NDOR1: variants seen among roughly 807,000 people sequenced by gnomAD.
NDOR1 encodes the protein NADPH dependent diflavin oxidoreductase 1.
Under a neutral mutation model 67.2 loss-of-function variants are expected in NDOR1, and 61 were observed. The ratio of observed to expected loss-of-function variants is 0.91; its 90% CI spans 0.74 to 1.12. The LOEUF (loss-of-function observed/expected upper bound fraction) is 1.12, where lower values mean the gene tolerates loss of function less well. NDOR1 is among the 50% of genes most tolerant of loss of function. The pLI, the probability that NDOR1 is intolerant of heterozygous loss-of-function variation, is 0.00. For missense variants in NDOR1, 878 were observed against 802.8 expected (o/e 1.09, Z -1.13); for synonymous variants, 378 against 343.7 (o/e 1.10, Z -1.10).
chr9:137,214,919 C>T lies in NDOR1; in HGVS notation c.966C>T (p.Leu322=), dbSNP rs755108538. The change falls in exon 8 of 14, where the codon CTC becomes CTT. Residue 322 remains leucine (L), a synonymous_variant. Transcript: ENST00000684003. ...SFFELLACLS[L]HELEREKLLE... Reference sequence around the variant, plus strand: ...TCGAACTCCTGGCCTGTCTATCCCTCCATGAGCTGGAGCGGGAGAAGCTGC... The same window carrying T: ...TCGAACTCCTGGCCTGTCTATCCCTTCATGAGCTGGAGCGGGAGAAGCTGC... The T allele has an allele frequency of 1.2e-6, 2 of 1,613,190 alleles. No homozygotes were observed. Among genetic ancestry groups the T allele is most frequent in the South Asian group, 2.2e-5 (2 of 91,090 alleles).
chr9:137,214,125 C>T (rs1040409233), intron 5 of NDOR1, 57 bp downstream of exon 5: 1 of 1,530,124 alleles, frequency 6.5e-7, no homozygotes, highest in Non-Finnish European at 8.8e-7. Flanking sequence ...GGCCTGGGGA[C>T]CTCGCCCTGG....
At position 137,214,860 on chromosome 9, in the gene NDOR1, C is replaced by T. The variant is rs904820129; in HGVS notation, c.907C>T (p.Leu303=). 1 of 1,610,492 alleles carries T rather than the reference C, an allele frequency of 6.2e-7. No individual in the cohort carries two copies. The highest frequency in any genetic ancestry group is 1.3e-5 in the African/African-American group (1 of 75,078). Residue 303 remains leucine (L), a synonymous_variant, in exon 8 of 14, where the codon CTG becomes TTG. Transcript: ENST00000684003. ...CSMRHLVSHY[L]DIASVPRRSF... ...CATGCGGCACCTCGTGTCCCACTAC[C>T]TGGACATCGCCAGCGTGCCTCGCCG... is the stretch of plus-strand genomic sequence containing the variant.
At position 137,216,801 on chromosome 9, in the gene NDOR1, T is replaced by C; in HGVS notation, c.*385T>C. 1 of 269,298 alleles carries C rather than the reference T, an allele frequency of 3.7e-6. No individual in the cohort carries two copies. Among genetic ancestry groups the C allele is most frequent in the Non-Finnish European group, 7.3e-6 (1 of 137,718 alleles). The allele number at this position is 269,298 out of a possible 1,614,324, so 16.7% of individuals were successfully genotyped here. ...CACCCATGAGGCTGCGCTGCACTCCTCTGCCCTGGGGCCACCTCGGCTGCT... is the reference window on the plus strand; with the variant it reads ...CACCCATGAGGCTGCGCTGCACTCCCCTGCCCTGGGGCCACCTCGGCTGCT... On this transcript the variant is annotated 3_prime_UTR_variant, in exon 14 of 14. Coordinates refer to ENST00000684003, the MANE Select transcript of NDOR1 (RefSeq NM_014434.4).
chr9:137,214,888 CCTT>C lies in NDOR1; in HGVS notation c.940_942del (p.Phe314del), dbSNP rs775374527. ...GACATCGCCAGCGTGCCTCGCCGCTCCTTCTTCGAACTCCTGGCCTGTCTATCC... is the reference window on the plus strand; with the variant it reads ...GACATCGCCAGCGTGCCTCGCCGCTCCTTCGAACTCCTGGCCTGTCTATCC... On this transcript the variant is annotated inframe_deletion, in exon 8 of 14. Coordinates refer to ENST00000684003, the MANE Select transcript of NDOR1 (RefSeq NM_014434.4). 4 of 1,612,114 alleles carry C rather than the reference CCTT, an allele frequency of 2.5e-6. No individual in the cohort carries two copies. The highest frequency in any genetic ancestry group is 1.7e-6 in the Non-Finnish European group (2 of 1,180,044).
chr9:137,213,714 C>T (rs1017381050), intron 3 of NDOR1, 66 bp from the exon 4 acceptor site: 1 of 1,502,340 alleles, frequency 6.7e-7, no homozygotes, highest in Non-Finnish European at 9.1e-7. Flanking sequence ...CTCCCGGGTT[C>T]CACTCTGCCT....
chr9:137,212,921 C>G lies in NDOR1; in HGVS notation c.311+322C>G. On this transcript the variant is annotated intron_variant, in intron 3 of 13. Coordinates refer to ENST00000684003, the MANE Select transcript of NDOR1 (RefSeq NM_014434.4). This position sits in a 1 kb window ranked among gnomAD's most constrained non-coding sequence, Gnocchi z 4.3. ...TGACGACTTTGAGCCTGGAGGAGGA[C>G]CCCGTATGCTCCTGCCACCCCAGAG... is the stretch of plus-strand genomic sequence containing the variant. 5.8e-6 allele frequency: 2 copies of G among 342,492 alleles called. No individual in the cohort carries two copies. Among genetic ancestry groups the G allele is most frequent in the East Asian group, 1.2e-4 (2 of 16,310 alleles). The allele number at this position is 342,492 out of a possible 1,614,324, so 21.2% of individuals were successfully genotyped here.
chr9:137,212,998 A>G lies in NDOR1; in HGVS notation c.311+399A>G, dbSNP rs539704320. Among the ~76,000 whole-genome samples the G allele has an allele frequency of 6.6e-6, 1 of 152,296 alleles. No individual in the cohort carries two copies. Among genetic ancestry groups the G allele is most frequent in the African/African-American group, 2.4e-5 (1 of 41,556 alleles). ...TTTTCACAGTGCTCCTCTGCACCCT[A>G]AGCAAGGAGTGGCATGTTCAGTGTG... On this transcript the variant is annotated intron_variant, in intron 3 of 13. Transcript: ENST00000684003. The surrounding 1 kb of genome is among the most constrained non-coding windows in gnomAD (Gnocchi z 4.3).
intron 2 of NDOR1, among the ~76,000 whole-genome samples, chr9:137,206,742 C>T (rs939758605): frequency 6.6e-6 from 1 of 152,134 alleles, no homozygotes; most frequent in Non-Finnish European, 1.5e-5. Flanking sequence ...AAGCAGCTAA[C>T]GGGCAATGAC....
At position 137,216,639 on chromosome 9, in the gene NDOR1, C is replaced by T. The variant is rs572128481; in HGVS notation, c.*223C>T. On this transcript the variant is annotated 3_prime_UTR_variant, in exon 14 of 14. Coordinates refer to ENST00000684003, the MANE Select transcript of NDOR1 (RefSeq NM_014434.4). ...TCTGCCCAGCCAGCCCTGCGCTCCC[C>T]CACCCTGACAGTGAGCTGTGTCCTC... The T allele has an allele frequency of 1.2e-5, 7 of 606,140 alleles. No individual in the cohort carries two copies. In the Admixed American group the frequency reaches 1.8e-4, roughly 16 times the overall value. 37.5% of individuals were successfully genotyped at this position (606,140 alleles called of 1,614,324 possible).
intron 2 of NDOR1, among the ~76,000 whole-genome samples, chr9:137,208,365 G>A (rs1206678699): frequency 2.0e-5 from 3 of 151,252 alleles, no homozygotes; most frequent in East Asian, 2.0e-4. Flanking sequence ...GCAGGAGAAT[G>A]GCGTGAACCC....
intron 6 of NDOR1, 36 bp from the exon 7 acceptor site, chr9:137,214,534 G>A (rs778359036): frequency 5.6e-6 from 9 of 1,610,044 alleles, no homozygotes; most frequent in South Asian, 2.2e-5. Context: ...TCCTCCCTGC[G>A]GCGTCCCCAC....
rs574860139 is a variant in NDOR1, at chr9:137,205,845, G to C, written c.68G>C (p.Arg23Thr). Residue 23 changes from arginine to threonine, a missense_variant, in exon 1 of 14, where the codon AGA becomes ACA. By Grantham distance (71) the Arg-to-Thr change is moderately conservative. Transcript: ENST00000684003. ...GGCACGGCTCAGGATGTGTCGGAGAGACTGGGTCGCGAGGCCCGGCGCCGG... is the reference window on the plus strand; with the variant it reads ...GGCACGGCTCAGGATGTGTCGGAGACACTGGGTCGCGAGGCCCGGCGCCGG... ...QTGTAQDVSE[R>T]LGREARRRRL... 3.7e-6 allele frequency: 6 copies of C among 1,603,892 alleles called. No individual in the cohort carries two copies. In the African/African-American group the frequency reaches 8.0e-5, roughly 21 times the overall value.
rs1310078227 is a variant in NDOR1 at position 137,212,649 on chromosome 9, G to A, written c.311+50G>A. Reference sequence around the variant, plus strand: ...CGGACGGAACAGTTCTGGGGGTCGAGCAACAGGTGTGCTGGCAGAGGACCG... The same window carrying A: ...CGGACGGAACAGTTCTGGGGGTCGAACAACAGGTGTGCTGGCAGAGGACCG... On this transcript the variant is annotated intron_variant, in intron 3 of 13. Transcript: ENST00000684003. This position sits in a 1 kb window ranked among gnomAD's most constrained non-coding sequence, Gnocchi z 4.3. The A allele has an allele frequency of 3.9e-6, 6 of 1,530,908 alleles. No individual in the cohort carries two copies. The highest frequency in any genetic ancestry group is 5.4e-6 in the Non-Finnish European group (6 of 1,105,082). 94.8% of individuals were successfully genotyped at this position (1,530,908 alleles called of 1,614,324 possible).
chr9:137,213,795 C>T lies in NDOR1; in HGVS notation c.327C>T (p.Ala109=), dbSNP rs1363333239. 3.7e-6 allele frequency: 6 copies of T among 1,612,538 alleles called. No individual in the cohort carries two copies. The highest frequency in any genetic ancestry group is 5.1e-6 in the Non-Finnish European group (6 of 1,179,614). The change falls in exon 4 of 14, where the codon GCC becomes GCT. Residue 109 remains alanine (A), a synonymous_variant. Transcript: ENST00000684003. The stretch of plus-strand genomic sequence containing the variant: ...GTCTCCACAGGTTCAACTTCGTGGC[C>T]AAGAAGCTGCACCGACGGCTACTGC... ...DSSYAKFNFV[A]KKLHRRLLQL...
In NDOR1 at chr9:137,217,682, C is replaced by T; in HGVS notation, c.*1266C>T. On this transcript the variant is annotated 3_prime_UTR_variant, in exon 14 of 14. Transcript: ENST00000684003. ...GTCCACTTCCAGTGAGGAGAGCCAG[C>T]CGGGAGGTCAGTGCCAGAGCTCTGG... 3.4e-6 allele frequency: 1 copy of T among 295,912 alleles called. No individual in the cohort carries two copies. Among genetic ancestry groups the T allele is most frequent in the Non-Finnish European group, 6.2e-6 (1 of 160,642 alleles). 18.3% of individuals were successfully genotyped at this position (295,912 alleles called of 1,614,324 possible).
rs111336760 is a variant in NDOR1 at position 137,216,732 on chromosome 9, A to C, written c.*316A>C. On this transcript the variant is annotated 3_prime_UTR_variant, in exon 14 of 14. Transcript: ENST00000684003. ...CTCCACCTCACCGGTGCAGTGACCC[A>C]GGACGGCATCAGCAGCCCAGTGAGC... is the stretch of plus-strand genomic sequence containing the variant. The C allele has an allele frequency of 3.5e-3, 1,428 of 408,716 alleles. 18 individuals are homozygous for C. The highest frequency in any genetic ancestry group is 0.021 in the African/African-American group (1,021 of 49,346). The allele number at this position is 408,716 out of a possible 1,614,324, so 25.3% of individuals were successfully genotyped here.
intron 1 of NDOR1, 98 bp from the exon 2 acceptor site, chr9:137,206,134 C>A: frequency 6.6e-7 from 1 of 1,508,948 alleles, no homozygotes; most frequent in Non-Finnish European, 9.2e-7. Flanking sequence ...AATCCCTCTG[C>A]CCTGTCAGCC....
At position 137,215,108 on chromosome 9, in the gene NDOR1, TC is replaced by T. The variant is rs1207989457; in HGVS notation, c.1082del (p.Pro361ArgfsTer31). ...CTCTTTGCCTAGGTGCTCTGTGACT[TC>T]CCGCACACAGCTGCCGCCATCCCTC... ...RRTILEVLCD[F>X]PHTAAAIPPD... On this transcript the variant is annotated frameshift_variant, in exon 9 of 14. Coordinates refer to ENST00000684003, the MANE Select transcript of NDOR1 (RefSeq NM_014434.4). LOFTEE classifies it high-confidence loss of function. 6.2e-7 allele frequency: 1 copy of T among 1,613,658 alleles called. No homozygotes were observed. Among genetic ancestry groups the T allele is most frequent in the Non-Finnish European group, 8.5e-7 (1 of 1,179,976 alleles).
intron 9 of NDOR1, 52 bp downstream of exon 9, chr9:137,215,254 C>G (rs755947435): frequency 1.6e-5 from 26 of 1,577,580 alleles, no homozygotes; most frequent in Admixed American, 3.5e-5. Flanking sequence ...AAGCTGGGAC[C>G]GGGGCTGTGG....
Sources: gnomAD v4.1 joint callset for allele counts (sites outside exome capture counted in the v4.1 genomes callset) on GRCh38, gnomAD v4.1.1 for gene constraint, Gnocchi (gnomAD v3.1) non-coding constraint, MANE v1.5 for transcripts, NCBI Gene and HGNC (gene_info 2026-07-23, HGNC 2026-07-21) for gene names.